MEP1B: variants seen among roughly 807,000 people sequenced by gnomAD.
The protein encoded by MEP1B is meprin A subunit beta.
Under a neutral mutation model 84.6 loss-of-function variants are expected in MEP1B, and 80 were observed. The ratio of observed to expected loss-of-function variants is 0.95; its 90% CI spans 0.79 to 1.14. The LOEUF is 1.14. Ranked by LOEUF, MEP1B falls within the 50% of genes most tolerant of loss-of-function variation. MEP1B has a pLI of 0.00. For missense variants in MEP1B, 766 were observed against 855.1 expected (o/e 0.90, Z 1.30); for synonymous variants, 273 against 288.1 (o/e 0.95, Z 0.53).
In MEP1B at chr18:32,199,948, C is replaced by CT. The variant is rs555509284; in HGVS notation, c.251-2938dup. 5.3e-5 allele frequency among the ~76,000 whole-genome samples: 8 copies of CT among 152,112 alleles called. No homozygotes were observed. In the South Asian group the frequency reaches 1.5e-3, roughly 28 times the overall value. On this transcript the variant is annotated intron_variant, in intron 5 of 14. Transcript: ENST00000269202. ...TGAGCCACCACATCCAGTTATATTT[C>CT]TTTTTTTAAAAAACTTATTCTCCTA...
At chr18:32,205,769 GT>G (rs1333978266) in intron 7 of MEP1B, among the ~76,000 whole-genome samples, 2 of 151,890 alleles carry the variant, frequency 1.3e-5, no homozygotes, top group Non-Finnish European at 2.9e-5. Context: ...ATTCATTTTT[GT>G]TTTTTATTAT....
At chr18:32,217,669 A>C in intron 13 of MEP1B, 92 bp from the exon 14 acceptor site, 2 of 1,066,442 alleles carry the variant, frequency 1.9e-6, no homozygotes, top group Non-Finnish European at 2.8e-6. Context: ...ATTGGTGATC[A>C]AATAGACTAA....
rs539091615 is a variant in MEP1B at position 32,208,192 on chromosome 18, A to G, written c.840A>G (p.Gly280=). The change falls in exon 9 of 15, where the codon GGA becomes GGG. Residue 280 remains glycine, a synonymous_variant. Transcript: ENST00000269202. ...TGTGTGGCATGATCCAAAGTTCAGG[A>G]GATAATGCTGACTGGCAACGGGTTT... ...ENVCGMIQSS[G]DNADWQRVSQ... is the part of the protein sequence containing the mutation. The G allele has an allele frequency of 1.2e-6, 2 of 1,613,986 alleles. No homozygotes were observed. The highest frequency in any genetic ancestry group is 1.3e-5 in the African/African-American group (1 of 75,032).
At position 32,213,304 on chromosome 18, in the gene MEP1B, G is replaced by A; in HGVS notation, c.1324G>A (p.Gly442Ser). Residue 442 changes from glycine (G) to serine (S), a missense_variant, in exon 11 of 15, where the codon GGC (glycine) becomes AGC (serine). Physicochemically the swap from Gly to Ser is moderately conservative, Grantham distance 56. Coordinates refer to ENST00000269202, the MANE Select transcript of MEP1B (RefSeq NM_005925.3). ...WHIRNFTQFI[G>S]SPNGTLYSPP... ...TATAAGGAATTTCACACAGTTCATT[G>A]GCAGCCCAAATGGAACTCTGTATAG... 6.2e-7 allele frequency: 1 copy of A among 1,613,916 alleles called. No homozygotes were observed. The highest frequency in any genetic ancestry group is 8.5e-7 in the Non-Finnish European group (1 of 1,179,866).
intron 11 of MEP1B, among the ~76,000 whole-genome samples, chr18:32,214,375 T>C (rs945877042): frequency 6.6e-6 from 1 of 152,126 alleles, no homozygotes; most frequent in Non-Finnish European, 1.5e-5. Flanking sequence ...TTTTGCCAAA[T>C]GTGAATTCTA....
chr18:32,200,080 T>C (rs1462863266), intron 5 of MEP1B, among the ~76,000 whole-genome samples: 2 of 152,170 alleles, frequency 1.3e-5, no homozygotes, highest in Non-Finnish European at 2.9e-5. Flanking sequence ...TTAAACAACA[T>C]TATAAACAAC....
chr18:32,207,126 C>G (rs2040973324), intron 7 of MEP1B, 126 bp from the exon 8 acceptor site: 2 of 622,100 alleles, frequency 3.2e-6, no homozygotes. Flanking sequence ...AATAATGAAA[C>G]TGTTGTTAGT....
chr18:32,198,048 A>G (rs1007634509), intron 5 of MEP1B, among the ~76,000 whole-genome samples: 3 of 152,352 alleles, frequency 2.0e-5, no homozygotes, highest in African/African-American at 7.2e-5. Flanking sequence ...CATAAATCAA[A>G]AGTGAATTAT....
At chr18:32,203,073 T>C (rs1400188620) in intron 6 of MEP1B, 63 bp downstream of exon 6, 5 of 934,484 alleles carry the variant, frequency 5.4e-6, no homozygotes, top group South Asian at 2.9e-5. Context: ...GGACATTACA[T>C]TGCAGCAATC....
At chr18:32,195,126 A>G (rs886772599) in intron 4 of MEP1B, among the ~76,000 whole-genome samples, 1 of 152,214 alleles carries the variant, frequency 6.6e-6, no homozygotes, top group Non-Finnish European at 1.5e-5. Context: ...AAACTAACCT[A>G]TAAATCTACC....
chr18:32,215,043 A>G, intron 11 of MEP1B, 39 bp from the exon 12 acceptor site: 1 of 1,435,304 alleles, frequency 7.0e-7, no homozygotes, highest in South Asian at 1.2e-5. Context: ...AGCTACGATG[A>G]TGATAAACAC....
chr18:32,213,319 A>T lies in MEP1B; in HGVS notation c.1339A>T (p.Thr447Ser). The T allele has an allele frequency of 6.2e-7, 1 of 1,613,710 alleles. No homozygotes were observed. Among genetic ancestry groups the T allele is most frequent in the Non-Finnish European group, 8.5e-7 (1 of 1,179,790 alleles). Residue 447 changes from threonine to serine, a missense_variant, in exon 11 of 15, where the codon ACT (threonine) becomes TCT (serine). Thr to Ser is a moderately conservative substitution (Grantham distance 58, BLOSUM62 1). Transcript: ENST00000269202. ...FTQFIGSPNG[T>S]LYSPPFYSSK... ...ACAGTTCATTGGCAGCCCAAATGGA[A>T]CTCTGTATAGCCCTCCATTTTACTC...
intron 10 of MEP1B, 65 bp from the exon 11 acceptor site, chr18:32,213,051 T>C (rs193160570): frequency 1.7e-4 from 250 of 1,444,148 alleles, no homozygotes; most frequent in Admixed American, 4.9e-4. Context: ...AGGCTAGAAA[T>C]CTAATGTTGA....
chr18:32,194,308 A>G (rs879866363), intron 4 of MEP1B, among the ~76,000 whole-genome samples: 1 of 152,022 alleles, frequency 6.6e-6, no homozygotes, highest in Non-Finnish European at 1.5e-5. Flanking sequence ...TTCCCCTATA[A>G]TCTTTTCCAC....
intron 10 of MEP1B, among the ~76,000 whole-genome samples, chr18:32,211,718 T>C (rs2041029900): frequency 1.3e-5 from 2 of 152,134 alleles, no homozygotes. Flanking sequence ...TGACCACCTA[T>C]GCAAGTAGAT....
Position 32,207,313 on chromosome 18 carries a change from T to C in MEP1B, c.609T>C (p.Tyr203=). The stretch of plus-strand genomic sequence containing the variant: ...TATCAGATTCCCTGAATGTTCCCTA[T>C]GATTACACTTCAGTAATGCACTACA... ...DDISDSLNVP[Y]DYTSVMHYSK... is the part of the protein sequence containing the mutation. Residue 203 remains tyrosine, a synonymous_variant, in exon 8 of 15, where the codon TAT becomes TAC. Transcript: ENST00000269202. 4 of 1,613,322 alleles carry C rather than the reference T, an allele frequency of 2.5e-6. No homozygotes were observed. Among genetic ancestry groups the C allele is most frequent in the Non-Finnish European group, 3.4e-6 (4 of 1,179,428 alleles).
rs2041046813 is a variant in MEP1B, at chr18:32,213,219, T to G, written c.1239T>G (p.Gly413=). Residue 413 remains glycine (G), a synonymous_variant, in exon 11 of 15, where the codon GGT becomes GGG. Coordinates refer to ENST00000269202, the MANE Select transcript of MEP1B (RefSeq NM_005925.3). The part of the protein sequence containing the change: ...EGRKGSGASL[G]GLSIDDINLS... ...GCAAAGGCTCTGGTGCATCACTGGG[T>G]GGTCTGTCTATTGATGACATCAATC... The G allele has an allele frequency of 1.2e-6, 2 of 1,613,950 alleles. No homozygotes were observed. Among genetic ancestry groups the G allele is most frequent in the Non-Finnish European group, 1.7e-6 (2 of 1,179,858 alleles).
In MEP1B at chr18:32,207,532, G is replaced by T. The variant is rs79543499; in HGVS notation, c.766+62G>T. 8.4e-3 allele frequency: 9,883 copies of T among 1,172,814 alleles called. 627 individuals are homozygous for T. In the African/African-American group the frequency reaches 0.13, roughly 15 times the overall value. The allele number at this position is 1,172,814 out of a possible 1,614,324, so 72.7% of individuals were successfully genotyped here. A position where few individuals can be genotyped will look rare whatever the true frequency, so the allele number is the denominator to read the frequency against. ...CGCTGTTATGTAGGAAAAAATGATG[G>T]TCTGTGCCATTTTGTCAAGCATTGG... On this transcript the variant is annotated intron_variant, in intron 8 of 14. Coordinates refer to ENST00000269202, the MANE Select transcript of MEP1B (RefSeq NM_005925.3).
intron 7 of MEP1B, among the ~76,000 whole-genome samples, 156 bp downstream of exon 7, chr18:32,204,516 C>G (rs1242407045): frequency 1.3e-5 from 2 of 152,042 alleles, no homozygotes; most frequent in African/African-American, 2.4e-5. Flanking sequence ...GTTATTGGAG[C>G]ACTAGTATTC....
Sources: allele counts gnomAD v4.1 joint callset (sites outside exome capture counted in the v4.1 genomes callset), GRCh38; gene constraint gnomAD v4.1.1; transcripts MANE v1.5; gene names NCBI Gene and HGNC (gene_info 2026-07-23, HGNC 2026-07-21).